AFMID: variants seen among roughly 807,000 people sequenced by gnomAD.
The protein encoded by AFMID is kynurenine formamidase.
A neutral mutation model predicts 47.5 loss-of-function variants in AFMID; 39 were observed. The ratio of observed to expected loss-of-function variants is 0.82; its 90% CI spans 0.64 to 1.07. The LOEUF is 1.07. AFMID is among the 50% of genes least tolerant of loss of function. AFMID has a pLI of 0.00. For synonymous variants in AFMID, 130 were observed against 153.2 expected, an observed-to-expected ratio of 0.85 and a Z score of 1.12; for missense variants, 375 against 387.5, an observed-to-expected ratio of 0.97 and a Z score of 0.27.
chr17:78,199,911 A>G (rs2076205776), intron 2 of AFMID, among the ~76,000 whole-genome samples: 1 of 152,100 alleles, frequency 6.6e-6, no homozygotes, highest in Admixed American at 6.6e-5. Context: ...ACAGGATGGG[A>G]GAGGTGGAGC....
chr17:78,191,140 G>C (rs577101527), intron 2 of AFMID, 80 bp downstream of exon 2: 12 of 1,292,042 alleles, frequency 9.3e-6, no homozygotes, highest in African/African-American at 5.9e-5. Context: ...GGGTTGGGGG[G>C]GCTGTGCTGC....
intron 2 of AFMID, among the ~76,000 whole-genome samples, chr17:78,194,570 G>A (rs1373818061): frequency 6.6e-6 from 1 of 152,228 alleles, no homozygotes; most frequent in Non-Finnish European, 1.5e-5. Context: ...CTGGGCTCAG[G>A]GAGAACAAAG....
rs897311842 is a variant in AFMID, at chr17:78,197,355, A to G, written c.155-5144A>G. 4.3e-6 allele frequency: 3 copies of G among 703,084 alleles called. No homozygotes were observed. The African/African-American group carries it at 5.4e-5, about 13-fold the overall frequency. 43.6% of individuals were successfully genotyped at this position (703,084 alleles called of 1,614,324 possible). A position where few individuals can be genotyped will look rare whatever the true frequency, so the allele number is the denominator to read the frequency against. ...AGAGTGCGTCCTACAGATGCTTGCA[A>G]GTGGTATGGTAATGGATGTACAAAG... On this transcript the variant is annotated intron_variant, in intron 2 of 10. Coordinates refer to ENST00000409257, the MANE Select transcript of AFMID (RefSeq NM_001010982.5).
rs1567854874 is a variant in AFMID, at chr17:78,204,814, T to C, written c.395-14T>C. 6.2e-7 allele frequency: 1 copy of C among 1,614,222 alleles called. No homozygotes were observed. Among genetic ancestry groups the C allele is most frequent in the South Asian group, 1.1e-5 (1 of 91,088 alleles). ...GGAAGTGCATCCCTGACCCAGCTCA[T>C]GCTCTCTGTGCAGGCACCCTGGACC... On this transcript the variant is annotated splice_polypyrimidine_tract_variant and intron_variant, in intron 5 of 10. Coordinates refer to ENST00000409257, the MANE Select transcript of AFMID (RefSeq NM_001010982.5).
intron 2 of AFMID, among the ~76,000 whole-genome samples, chr17:78,199,331 G>A (rs1003286888): frequency 4.6e-5 from 7 of 151,822 alleles, no homozygotes. Context: ...CCCTTCTGGA[G>A]TTGCAGAATG....
intron 2 of AFMID, among the ~76,000 whole-genome samples, chr17:78,201,897 A>AT (rs1249059672): frequency 5.9e-5 from 9 of 151,502 alleles, no homozygotes; most frequent in Admixed American, 2.6e-4. Context: ...CGCCTGGCTA[A>AT]TTTTTTGTAT....
chr17:78,204,075 C>G (rs1035734125), intron 4 of AFMID: 2 of 153,876 alleles, frequency 1.3e-5, no homozygotes, highest in African/African-American at 4.9e-5. Context: ...ACTCTCTACA[C>G]TGCTAGTCTT....
chr17:78,187,940 G>A lies in AFMID; in HGVS notation c.63+507G>A, dbSNP rs192964265. ...TGTACTCCAGCCTGGAAGGCTGGGC[G>A]ATAGACCAAGACTTAGTCTCAAAAA... On this transcript the variant is annotated intron_variant, in intron 1 of 10. Coordinates refer to ENST00000409257, the MANE Select transcript of AFMID (RefSeq NM_001010982.5). Among the ~76,000 whole-genome samples the A allele has an allele frequency of 3.4e-3, 420 of 125,200 alleles. 4 individuals are homozygous for A. Among genetic ancestry groups the A allele is most frequent in the African/African-American group, 0.012 (389 of 33,030 alleles). 82.1% of individuals were successfully genotyped at this position (125,200 alleles called of 152,430 possible). A position where few individuals can be genotyped will look rare whatever the true frequency, so the allele number is the denominator to read the frequency against.
Position 78,205,114 on chromosome 17 carries a change from C to T in AFMID, c.489C>T (p.His163=). ...PSNKGIYLCG[H]SAGAHLAAMM... ...CCAGGGGAATTTACCTGTGTGGACA[C>T]TCAGCCGGGGCCCACCTGGCTGCCA... Residue 163 remains histidine, a synonymous_variant, in exon 7 of 11, where the codon CAC becomes CAT. Transcript: ENST00000409257. The T allele has an allele frequency of 1.2e-6, 2 of 1,612,178 alleles. No homozygotes were observed. The highest frequency in any genetic ancestry group is 1.7e-6 in the Non-Finnish European group (2 of 1,179,278).
chr17:78,200,991 C>CTCTT (rs759288691), intron 2 of AFMID, among the ~76,000 whole-genome samples: 2 of 151,832 alleles, frequency 1.3e-5, no homozygotes, highest in African/African-American at 4.8e-5. Flanking sequence ...TCTGGATGCT[C>CTCTT]TCTTTCTTTC....
chr17:78,191,928 T>C (rs2075979659), intron 2 of AFMID, among the ~76,000 whole-genome samples: 1 of 152,058 alleles, frequency 6.6e-6, no homozygotes, highest in Non-Finnish European at 1.5e-5. Context: ...CCTCGTGATC[T>C]GGCTGCCTCG....
intron 1 of AFMID, 152 bp from the exon 2 acceptor site, chr17:78,190,818 C>G (rs1327656495): frequency 3.0e-6 from 2 of 660,632 alleles, no homozygotes. Flanking sequence ...TGGTATACCT[C>G]TAGACCATGG....
At position 78,204,860 on chromosome 17, in the gene AFMID, CG is replaced by C; in HGVS notation, c.428del (p.Arg143ProfsTer30). ...TLDHMVDQVT[R>X]SVAFVQKRYP... ...GGACCACATGGTAGACCAGGTGACC[CG>C]CAGCGTTGCGTTTGTCCAGAAGCGG... On this transcript the variant is annotated frameshift_variant, in exon 6 of 11. Transcript: ENST00000409257. LOFTEE classifies it high-confidence loss of function. 2 of 1,614,188 alleles carry C rather than the reference CG, an allele frequency of 1.2e-6. No individual in the cohort carries two copies. The highest frequency in any genetic ancestry group is 1.7e-6 in the Non-Finnish European group (2 of 1,180,034).
Position 78,206,891 on chromosome 17 carries a change from G to A in AFMID, c.886-20G>A, listed in dbSNP as rs1173223370. 3 of 1,613,620 alleles carry A rather than the reference G, an allele frequency of 1.9e-6. No individual in the cohort carries two copies. Among genetic ancestry groups the A allele is most frequent in the Middle Eastern group, 1.6e-4 (1 of 6,062 alleles). On this transcript the variant is annotated intron_variant, in intron 10 of 10. Transcript: ENST00000409257. ...GCTGCTCTGATTCTGGGGCTTTTGT[G>A]TCTTCTCTTCCTGTTCCAGATTATC...
intron 2 of AFMID, among the ~76,000 whole-genome samples, chr17:78,201,875 C>T (rs1390564198): frequency 6.6e-6 from 1 of 151,748 alleles, no homozygotes; most frequent in Non-Finnish European, 1.5e-5. Flanking sequence ...GGACTACAGG[C>T]ACCTGCCACC....
At position 78,202,741 on chromosome 17, in the gene AFMID, C is replaced by T; in HGVS notation, c.298C>T (p.Gln100Ter). The change falls in exon 4 of 11, where the codon CAG becomes TAG. Residue 100 changes from glutamine (Q) to a stop codon, truncating the protein, a stop_gained. Coordinates refer to ENST00000409257, the MANE Select transcript of AFMID (RefSeq NM_001010982.5). LOFTEE classifies it high-confidence loss of function. ...CCTGTTCTTTCACGGAGGATACTGG[C>T]AGAGCGGAAGGTGAGTCGGGGGATG... ...FFLFFHGGYW[Q>*]SGSKDESAFM... 6.4e-7 allele frequency: 1 copy of T among 1,558,124 alleles called. No homozygotes were observed. The highest frequency in any genetic ancestry group is 8.7e-7 in the Non-Finnish European group (1 of 1,150,476).
chr17:78,197,398 G>A, intron 2 of AFMID: 1 of 557,742 alleles, frequency 1.8e-6, no homozygotes, highest in Non-Finnish European at 3.1e-6. Flanking sequence ...CAGCAGGGGT[G>A]TTTGTGGTAG....
intron 2 of AFMID, among the ~76,000 whole-genome samples, chr17:78,196,031 G>A (rs2076103454): frequency 6.6e-6 from 1 of 151,958 alleles, no homozygotes; most frequent in Non-Finnish European, 1.5e-5. Context: ...ATAGAGACGG[G>A]GTTTCACCGT....
chr17:78,189,981 G>A (rs896580191), intron 1 of AFMID, among the ~76,000 whole-genome samples: 7 of 151,120 alleles, frequency 4.6e-5, no homozygotes, highest in African/African-American at 7.3e-5. Context: ...ACAGGCGCGC[G>A]TCACCATGCC....
Sources: gnomAD v4.1 joint callset for allele counts (sites outside exome capture counted in the v4.1 genomes callset) on GRCh38, gnomAD v4.1.1 for gene constraint, MANE v1.5 for transcripts, NCBI Gene and HGNC (gene_info 2026-07-23, HGNC 2026-07-21) for gene names.